Variants in SCRN1 observed in about 807,000 individuals in gnomAD.
The protein encoded by SCRN1 is secernin-1.
In SCRN1, 19 loss-of-function variants were observed where a neutral mutation model predicts 43.3. The observed-to-expected ratio is 0.44, with a 90% CI of 0.31 to 0.64. The LOEUF is 0.64. Among genes scored for constraint, SCRN1 ranks in the 30% least tolerant of loss-of-function variants. SCRN1 has a pLI of 0.09. For missense variants in SCRN1, 447 were observed against 524.1 expected, an observed-to-expected ratio of 0.85 and a Z score of 1.44; for synonymous variants, 183 against 188.9, an observed-to-expected ratio of 0.97 and a Z score of 0.26.
At chr7:29,963,531 A>G (rs145381146) in intron 2 of SCRN1, among the ~76,000 whole-genome samples, 2 of 152,366 alleles carry the variant, frequency 1.3e-5, no homozygotes, top group East Asian at 3.9e-4. Context: ...GTACAAGCTG[A>G]GAGGGCAGAG....
At chr7:29,930,792 T>C (rs936097673) in intron 6 of SCRN1, among the ~76,000 whole-genome samples, 3 of 152,232 alleles carry the variant, frequency 2.0e-5, no homozygotes, top group Admixed American at 6.5e-5. Context: ...TACAAGACGA[T>C]GGGCCCAAAA....
rs1583664131 is a variant in SCRN1, at chr7:29,944,245, C to G, written c.342-66G>C. 3.4e-6 allele frequency: 5 copies of G among 1,484,612 alleles called. No homozygotes were observed. In the Admixed American group the frequency reaches 8.5e-5, roughly 25 times the overall value. The allele number at this position is 1,484,612 out of a possible 1,614,324, so 92.0% of individuals were successfully genotyped here. ...ACCACAGGATTGTTACTAGAGTAAC[C>G]AAAGACTGGGCAAGGCCGAGTTATG... On this transcript the variant is annotated intron_variant, in intron 3 of 7. Transcript: ENST00000242059.
chr7:29,989,924 G>T (rs991896747), upstream of SCRN1: 1 of 1,076,148 alleles, frequency 9.3e-7, no homozygotes, highest in Non-Finnish European at 1.1e-6. Context: ...CTGGCTGCAC[G>T]GGCCGCGGCG....
intron 1 of SCRN1, among the ~76,000 whole-genome samples, chr7:29,986,717 A>ATTTTTTTT (rs553845779): frequency 7.7e-4 from 77 of 99,794 alleles, no homozygotes; most frequent in Non-Finnish European, 1.0e-3. Context: ...AATTTTTTTA[A>ATTTTTTTT]TTTTTTTTTT....
intron 1 of SCRN1, among the ~76,000 whole-genome samples, chr7:29,982,611 C>T (rs534495466): frequency 1.4e-4 from 20 of 141,184 alleles, no homozygotes; most frequent in South Asian, 9.1e-4. Flanking sequence ...TGAGCCTGGG[C>T]GGTCAAGGCT....
At chr7:29,934,583 G>A (rs1349570148) in intron 6 of SCRN1, among the ~76,000 whole-genome samples, 1 of 152,236 alleles carries the variant, frequency 6.6e-6, no homozygotes, top group African/African-American at 2.4e-5. Flanking sequence ...CATTAGGGGA[G>A]CAAACTAGGT....
chr7:29,939,402 G>A (rs933544114), intron 5 of SCRN1, among the ~76,000 whole-genome samples: 1 of 152,058 alleles, frequency 6.6e-6, no homozygotes, highest in African/African-American at 2.4e-5. Context: ...GGAGAGATGA[G>A]GTCTTGCTAA....
chr7:29,960,423 T>C (rs1478458044), intron 2 of SCRN1, among the ~76,000 whole-genome samples: 1 of 151,964 alleles, frequency 6.6e-6, no homozygotes, highest in Non-Finnish European at 1.5e-5. Context: ...GAGGAAATGA[T>C]AAAGACTTTA....
chr7:29,936,772 C>T (rs780278943), intron 5 of SCRN1, 51 bp from the exon 6 acceptor site: 27 of 1,416,500 alleles, frequency 1.9e-5, no homozygotes, highest in South Asian at 5.3e-5. Flanking sequence ...ATAGGCCGGG[C>T]GCGGTGGCTC....
chr7:29,940,875 C>T lies in SCRN1; in HGVS notation c.546G>A (p.Glu182=), dbSNP rs751377402. 2.6e-6 allele frequency: 4 copies of T among 1,519,884 alleles called. No homozygotes were observed. The highest frequency in any genetic ancestry group is 2.6e-6 in the Non-Finnish European group (3 of 1,140,526). The allele number at this position is 1,519,884 out of a possible 1,614,324, so 94.1% of individuals were successfully genotyped here. Residue 182 remains glutamate, a splice_region_variant and synonymous_variant, in exon 5 of 8, where the codon GAG becomes GAA. Coordinates refer to ENST00000242059, the MANE Select transcript of SCRN1 (RefSeq NM_014766.5). Reference sequence around the variant, plus strand: ...GCTGACTGCAAATGCACCTCACTCCCTCTGCAGAGAGTGCAAAGCCCCATA... The same window carrying T: ...GCTGACTGCAAATGCACCTCACTCCTTCTGCAGAGAGTGCAAAGCCCCATA... ...GKYWAAEKVT[E]GVRCICSQLS...
intron 1 of SCRN1, 105 bp from the exon 2 acceptor site, chr7:29,969,173 A>G: frequency 7.4e-7 from 1 of 1,355,290 alleles, no homozygotes; most frequent in Non-Finnish European, 1.0e-6. Flanking sequence ...TTACTATTGA[A>G]CTGTGCACAG....
intron 1 of SCRN1, among the ~76,000 whole-genome samples, chr7:29,973,647 T>C (rs1788728161): frequency 6.6e-6 from 1 of 152,246 alleles, no homozygotes; most frequent in Admixed American, 6.5e-5. Context: ...AGTAAAGCAC[T>C]GAAGGCTTTT....
rs766957235 is a variant in SCRN1, at chr7:29,940,769, C to T, written c.652G>A (p.Gly218Ser). ...AAGACTTCGGAAAAATTGAACTCGCCCTCTCCCGTCCACCAACCTTGGCTC... is the reference window on the plus strand; with the variant it reads ...AAGACTTCGGAAAAATTGAACTCGCTCTCTCCCGTCCACCAACCTTGGCTC... The part of the protein sequence containing the change: ...AQSQGWWTGE[G>S]EFNFSEVFSP... Residue 218 changes from glycine (G) to serine (S), a missense_variant, in exon 5 of 8, where the codon GGC (glycine) becomes AGC (serine). By Grantham distance (56) the Gly-to-Ser change is moderately conservative (BLOSUM62 0). Transcript: ENST00000242059. The T allele has an allele frequency of 8.1e-6, 13 of 1,610,052 alleles. No individual in the cohort carries two copies. Among genetic ancestry groups the T allele is most frequent in the South Asian group, 1.1e-5 (1 of 90,356 alleles).
intron 1 of SCRN1, among the ~76,000 whole-genome samples, chr7:29,977,817 T>A (rs1489903122): frequency 6.6e-6 from 1 of 152,206 alleles, no homozygotes; most frequent in African/African-American, 2.4e-5. Flanking sequence ...AGTTCATTCT[T>A]CCCAGGGTTG....
chr7:29,974,760 T>C (rs979709529), intron 1 of SCRN1, among the ~76,000 whole-genome samples: 6 of 150,842 alleles, frequency 4.0e-5, no homozygotes, highest in African/African-American at 1.5e-4. Context: ...CTTGGCTTAC[T>C]GCAACCTCCA....
upstream of SCRN1, chr7:29,989,909 C>A (rs866597212): frequency 2.7e-5 from 30 of 1,111,466 alleles, no homozygotes; most frequent in African/African-American, 4.5e-4. Flanking sequence ...CCGCACCCCG[C>A]GCGTCTGGCT....
intron 2 of SCRN1, among the ~76,000 whole-genome samples, chr7:29,966,880 G>A (rs1188927316): frequency 6.6e-6 from 1 of 152,006 alleles, no homozygotes; most frequent in Non-Finnish European, 1.5e-5. Context: ...GAGTTCTGTT[G>A]CTCTTTGGTG....
rs535641625 is a variant in SCRN1, at chr7:29,950,941, G to A, written c.341+4238C>T. 1.3e-4 allele frequency among the ~76,000 whole-genome samples: 20 copies of A among 152,346 alleles called. No individual in the cohort carries two copies. The South Asian group carries it at 4.1e-3, about 32-fold the overall frequency. Reference sequence around the variant, plus strand: ...CTCACTCTTCCTGAACATGGGACAAGAGCTTGGGACCCGCCAAATGGTGGG... The same window carrying A: ...CTCACTCTTCCTGAACATGGGACAAAAGCTTGGGACCCGCCAAATGGTGGG... On this transcript the variant is annotated intron_variant, in intron 3 of 7. Coordinates refer to ENST00000242059, the MANE Select transcript of SCRN1 (RefSeq NM_014766.5). The surrounding 1 kb of genome is among the most constrained non-coding windows in gnomAD (Gnocchi z 4.5).
rs1787771224 is a variant in SCRN1, at chr7:29,947,420, G to A, written c.342-3241C>T. 5.8e-6 allele frequency: 8 copies of A among 1,375,858 alleles called. No homozygotes were observed. In the South Asian group the frequency reaches 9.9e-5, roughly 17 times the overall value. The allele number at this position is 1,375,858 out of a possible 1,614,324, so 85.2% of individuals were successfully genotyped here. ...TCAACATCTGTGCCTCCATGGATTA[G>A]GAGATCCCTGTCCTTTTCTATCTCA... On this transcript the variant is annotated intron_variant, in intron 3 of 7. Coordinates refer to ENST00000242059, the MANE Select transcript of SCRN1 (RefSeq NM_014766.5).
Sources: allele counts gnomAD v4.1 joint callset (sites outside exome capture counted in the v4.1 genomes callset), GRCh38; gene constraint gnomAD v4.1.1; non-coding constraint Gnocchi (gnomAD v3.1); transcripts MANE v1.5; gene names NCBI Gene and HGNC (gene_info 2026-07-23, HGNC 2026-07-21).